The following PRMT9 variants were observed in gnomAD, a reference collection of about 807,000 sequenced individuals.
PRMT9 encodes protein arginine methyltransferase 9.
A neutral mutation model predicts 83.2 loss-of-function variants in PRMT9; 59 were observed. The observed-to-expected ratio is 0.71, with a 90% CI of 0.57 to 0.88. PRMT9 has a LOEUF of 0.88. Ranked by LOEUF, PRMT9 falls within the 40% of genes least tolerant of loss-of-function variation. The pLI is 0.00. For synonymous variants in PRMT9, 333 were observed against 353.2 expected, an observed-to-expected ratio of 0.94 and a Z score of 0.64; for missense variants, 947 against 1,021.9, an observed-to-expected ratio of 0.93 and a Z score of 1.00.
chr4:147,674,228 G>A (rs184840498), intron 2 of PRMT9, among the ~76,000 whole-genome samples: 123 of 152,212 alleles, frequency 8.1e-4, no homozygotes, highest in Middle Eastern at 3.4e-3. Context: ...TCTTTGTGGG[G>A]GCCGGCATGC....
At chr4:147,645,342 G>A (rs987227148) in intron 9 of PRMT9, among the ~76,000 whole-genome samples, 9 of 152,124 alleles carry the variant, frequency 5.9e-5, no homozygotes, top group East Asian at 1.9e-4. Flanking sequence ...AAATTATAAT[G>A]ACAAGACATG....
At chr4:147,672,871 ATT>A (rs907648284) in intron 4 of PRMT9, 86 bp downstream of exon 4, 10 of 1,063,674 alleles carry the variant, frequency 9.4e-6, no homozygotes, top group African/African-American at 7.9e-5. Context: ...GTTTTGTAGC[ATT>A]TTGTTTGGAC....
chr4:147,656,924 GCC>G (rs1734547098), intron 8 of PRMT9, among the ~76,000 whole-genome samples: 1 of 151,592 alleles, frequency 6.6e-6, no homozygotes, highest in Non-Finnish European at 1.5e-5. Context: ...ACCATACCCA[GCC>G]TAAAAAGGGT....
At chr4:147,681,505 G>T (rs1736466456) in intron 1 of PRMT9, among the ~76,000 whole-genome samples, 1 of 152,236 alleles carries the variant, frequency 6.6e-6, no homozygotes, top group African/African-American at 2.4e-5. Context: ...AGGAGATTCT[G>T]GCCGGGCACG....
chr4:147,661,298 G>T, intron 6 of PRMT9: 1 of 374,792 alleles, frequency 2.7e-6, no homozygotes, highest in Non-Finnish European at 4.6e-6. Flanking sequence ...AAAGTAAAAA[G>T]CAAGCAACTA....
chr4:147,662,419 T>C (rs1735027962), intron 6 of PRMT9, among the ~76,000 whole-genome samples: 1 of 152,184 alleles, frequency 6.6e-6, no homozygotes, highest in African/African-American at 2.4e-5. Context: ...TCAGCACTGA[T>C]TACCCAGGTC....
chr4:147,681,179 T>G (rs1467523302), intron 1 of PRMT9, among the ~76,000 whole-genome samples: 1 of 152,194 alleles, frequency 6.6e-6, no homozygotes, highest in Non-Finnish European at 1.5e-5. Flanking sequence ...AATGGTACCT[T>G]AACTCCACAT....
Position 147,660,958 on chromosome 4 carries a change from G to C in PRMT9, c.1034C>G (p.Thr345Ser). 3.1e-6 allele frequency: 5 copies of C among 1,612,490 alleles called. No individual in the cohort carries two copies. The highest frequency in any genetic ancestry group is 4.2e-6 in the Non-Finnish European group (5 of 1,178,654). The change falls in exon 7 of 12, where the codon ACT becomes AGT. Residue 345 changes from threonine to serine, a missense_variant. Physicochemically the swap from Thr to Ser is moderately conservative, Grantham distance 58. Transcript: ENST00000322396. The stretch of plus-strand genomic sequence containing the variant: ...TGTATAAGGTTCAATTGTTTCTTCA[G>C]TATCTACAGAAGAATAAGCCGGACT... ...FQSPAYSSVD[T>S]EETIEPYTTE...
At chr4:147,681,348 C>T (rs1169225744) in intron 1 of PRMT9, among the ~76,000 whole-genome samples, 1 of 152,216 alleles carries the variant, frequency 6.6e-6, no homozygotes, top group African/African-American at 2.4e-5. Flanking sequence ...CATCTCCCTC[C>T]ATCCATTCTC....
intron 9 of PRMT9, among the ~76,000 whole-genome samples, chr4:147,653,106 G>T (rs748546431): frequency 3.9e-5 from 6 of 152,074 alleles, no homozygotes; most frequent in Non-Finnish European, 5.9e-5. Context: ...AACTCAGAGA[G>T]CCTAAAAGCA....
At chr4:147,679,207 G>T (rs1736293740) in intron 2 of PRMT9, among the ~76,000 whole-genome samples, 1 of 152,344 alleles carries the variant, frequency 6.6e-6, no homozygotes, top group East Asian at 1.9e-4. Flanking sequence ...CAAGGCCAGA[G>T]GATCGCTTGA....
At chr4:147,676,431 G>A (rs1052972497) in intron 2 of PRMT9, among the ~76,000 whole-genome samples, 1 of 151,996 alleles carries the variant, frequency 6.6e-6, no homozygotes, top group Non-Finnish European at 1.5e-5. Flanking sequence ...CATAAAAAAA[G>A]ATTTTTAAAA....
chr4:147,657,796 A>AAGG lies in PRMT9; in HGVS notation c.1323_1325dup (p.Leu442dup), dbSNP rs1245569104. ...AAAAAAATGGACAAGACCTACCTGC[A>AAGG]AGGTCCTGTACGGGGTAGACAGCCT... is the stretch of plus-strand genomic sequence containing the variant. On this transcript the variant is annotated inframe_insertion, in exon 8 of 12. Coordinates refer to ENST00000322396, the MANE Select transcript of PRMT9 (RefSeq NM_138364.4). The AAGG allele has an allele frequency of 3.1e-6, 5 of 1,611,904 alleles. No individual in the cohort carries two copies. Among genetic ancestry groups the AAGG allele is most frequent in the Non-Finnish European group, 4.2e-6 (5 of 1,179,118 alleles).
At chr4:147,646,110 C>T (rs1733711576) in intron 9 of PRMT9, among the ~76,000 whole-genome samples, 1 of 152,174 alleles carries the variant, frequency 6.6e-6, no homozygotes, top group South Asian at 2.1e-4. Context: ...AACCAAATTG[C>T]AATCTATGCC....
At chr4:147,668,773 G>T in intron 5 of PRMT9, 128 bp from the exon 6 acceptor site, 1 of 680,382 alleles carries the variant, frequency 1.5e-6, no homozygotes, top group Non-Finnish European at 2.5e-6. Flanking sequence ...GTAAGTTAAA[G>T]GTTTTTTTTT....
intron 2 of PRMT9, among the ~76,000 whole-genome samples, chr4:147,675,155 T>C (rs1413069756): frequency 6.6e-6 from 1 of 152,130 alleles, no homozygotes; most frequent in East Asian, 1.9e-4. Flanking sequence ...TAATTTTGTA[T>C]TTTTAGTAGA....
intron 1 of PRMT9, among the ~76,000 whole-genome samples, chr4:147,683,238 T>C (rs888386596): frequency 6.6e-6 from 1 of 152,212 alleles, no homozygotes; most frequent in South Asian, 2.1e-4. Context: ...TTAAATTAGA[T>C]ATAAGGAGAA....
intron 2 of PRMT9, among the ~76,000 whole-genome samples, chr4:147,677,199 G>C (rs1003805026): frequency 2.0e-5 from 3 of 151,884 alleles, no homozygotes; most frequent in Non-Finnish European, 4.4e-5. Flanking sequence ...GTACAAGGCA[G>C]TGAAATTAGA....
intron 9 of PRMT9, among the ~76,000 whole-genome samples, chr4:147,643,734 C>T (rs1452925129): frequency 6.6e-6 from 1 of 152,172 alleles, no homozygotes; most frequent in Non-Finnish European, 1.5e-5. Flanking sequence ...GTGGCTGATG[C>T]CTATAATCCC....
Sources: allele counts gnomAD v4.1 joint callset (sites outside exome capture counted in the v4.1 genomes callset), GRCh38; gene constraint gnomAD v4.1.1; transcripts MANE v1.5; gene names NCBI Gene and HGNC (gene_info 2026-07-23, HGNC 2026-07-21).